The following NAV2 variants were observed in gnomAD, a reference collection of about 807,000 sequenced individuals.
NAV2 encodes the protein helicase, APC down-regulated 1.
Under a neutral mutation model 223.2 loss-of-function variants are expected in NAV2, and 54 were observed. The ratio of observed to expected loss-of-function variants is 0.24; its 90% CI spans 0.19 to 0.30. NAV2 has a LOEUF of 0.30. NAV2 is among the 10% of genes least tolerant of loss of function. NAV2 has a pLI of 1.00. For synonymous variants in NAV2, 1,279 were observed against 1,239.3 expected, an observed-to-expected ratio of 1.03 and a Z score of -0.67; for missense variants, 2,806 against 3,147.5, an observed-to-expected ratio of 0.89 and a Z score of 2.60.
Position 20,023,699 on chromosome 11 carries a change from G to GGGGGGTGT in NAV2, c.2769-12259_2769-12258insGGGGTGTG, listed in dbSNP as rs1554902313. ...GTTGTGTTTATACAGCAAATTGCTG[G>GGGGGGTGT]GTGTGTGTGTGTGTGTGTGTGTGTG... On this transcript the variant is annotated intron_variant, in intron 11 of 37. Transcript: ENST00000349880. Among the ~76,000 whole-genome samples the GGGGGGTGT allele has an allele frequency of 7.6e-3, 1,104 of 144,672 alleles. 10 individuals are homozygous for GGGGGGTGT. Among genetic ancestry groups the GGGGGGTGT allele is most frequent in the Non-Finnish European group, 0.011 (698 of 66,218 alleles). 94.9% of individuals were successfully genotyped at this position (144,672 alleles called of 152,430 possible).
intron 8 of NAV2, among the ~76,000 whole-genome samples, chr11:19,942,960 G>A (rs1222154999): frequency 1.3e-5 from 2 of 152,172 alleles, no homozygotes; most frequent in African/African-American, 4.8e-5. Flanking sequence ...TCCAGCCTGA[G>A]CAACAGAGCA....
At chr11:19,911,821 G>A (rs747468611) in intron 6 of NAV2, among the ~76,000 whole-genome samples, 1 of 152,196 alleles carries the variant, frequency 6.6e-6, no homozygotes, top group Non-Finnish European at 1.5e-5. Context: ...GACTTACAGC[G>A]AAAGGGAGAG....
At chr11:19,860,354 C>T (rs1343318938) in intron 3 of NAV2, among the ~76,000 whole-genome samples, 9 of 133,196 alleles carry the variant, frequency 6.8e-5, no homozygotes, top group African/African-American at 1.8e-4. Context: ...ACTTCTCAGA[C>T]GGGGCGGCCG....
At chr11:19,632,586 G>T (rs1029293546) in intron 1 of NAV2, among the ~76,000 whole-genome samples, 8 of 152,164 alleles carry the variant, frequency 5.3e-5, no homozygotes, top group African/African-American at 1.9e-4. Flanking sequence ...GGTTTTCATT[G>T]TGGTCAGTTC....
intron 1 of NAV2, among the ~76,000 whole-genome samples, chr11:19,764,019 T>G (rs1404106775): frequency 6.6e-6 from 1 of 152,172 alleles, no homozygotes; most frequent in Non-Finnish European, 1.5e-5. Context: ...ATCTGAAGTC[T>G]AAAAAACAAA....
At chr11:19,932,624 C>T (rs536793695) in intron 6 of NAV2, among the ~76,000 whole-genome samples, 52 of 152,288 alleles carry the variant, frequency 3.4e-4, no homozygotes, top group Non-Finnish European at 4.9e-4. Context: ...CAGCCATTTG[C>T]AACTTTTAAA....
intron 1 of NAV2, among the ~76,000 whole-genome samples, chr11:19,361,103 T>C (rs1291125036): frequency 6.6e-6 from 1 of 151,908 alleles, no homozygotes; most frequent in Non-Finnish European, 1.5e-5. Context: ...GCTTAGATAC[T>C]ATAAAATGAG....
intron 36 of NAV2, among the ~76,000 whole-genome samples, chr11:20,108,813 A>C (rs2062388160): frequency 1.3e-5 from 2 of 152,190 alleles, no homozygotes; most frequent in Admixed American, 1.3e-4. Flanking sequence ...CTTACCATTA[A>C]TTTGGAACTT....
intron 6 of NAV2, among the ~76,000 whole-genome samples, chr11:19,894,204 T>C (rs547774510): frequency 3.4e-4 from 52 of 152,282 alleles, no homozygotes; most frequent in African/African-American, 1.3e-3. Flanking sequence ...ATATCAGGGA[T>C]AGTGAGAGAT....
At chr11:19,806,806 A>G (rs1441216628) in intron 1 of NAV2, among the ~76,000 whole-genome samples, 2 of 152,224 alleles carry the variant, frequency 1.3e-5, no homozygotes, top group Non-Finnish European at 2.9e-5. Flanking sequence ...GATTTTCTAA[A>G]TATCAAGAAG....
At chr11:19,958,814 A>C (rs1447618733) in intron 10 of NAV2, among the ~76,000 whole-genome samples, 1 of 152,182 alleles carries the variant, frequency 6.6e-6, no homozygotes, top group Non-Finnish European at 1.5e-5. Flanking sequence ...AGGCATTGTC[A>C]TGTTATTATG....
chr11:19,803,518 C>T (rs1590634136), intron 1 of NAV2, among the ~76,000 whole-genome samples: 1 of 152,222 alleles, frequency 6.6e-6, no homozygotes, highest in Non-Finnish European at 1.5e-5. Context: ...AGTTACTTAC[C>T]TCTGTAGAGT....
At chr11:19,460,265 A>T (rs1432142838) in intron 1 of NAV2, among the ~76,000 whole-genome samples, 1 of 152,224 alleles carries the variant, frequency 6.6e-6, no homozygotes, top group Non-Finnish European at 1.5e-5. Context: ...CTTAGAAAGA[A>T]TGTGGGGTTG....
chr11:19,797,352 T>C (rs1459123934), intron 1 of NAV2, among the ~76,000 whole-genome samples: 3 of 152,186 alleles, frequency 2.0e-5, no homozygotes, highest in Admixed American at 1.3e-4. Flanking sequence ...TTGCCATCCA[T>C]TTCAGCTGCA....
chr11:19,987,662 A>G (rs137933040), intron 11 of NAV2, among the ~76,000 whole-genome samples: 30 of 152,330 alleles, frequency 2.0e-4, no homozygotes, highest in Non-Finnish European at 3.2e-4. Flanking sequence ...AGCCTGGGAG[A>G]TAGAGACTGT....
Position 20,092,201 on chromosome 11 carries a change from T to C in NAV2, c.5653-5T>C. 1 of 1,613,812 alleles carries C rather than the reference T, an allele frequency of 6.2e-7. No individual in the cohort carries two copies. The highest frequency in any genetic ancestry group is 2.2e-5 in the East Asian group (1 of 44,872). On this transcript the variant is annotated splice_region_variant and splice_polypyrimidine_tract_variant and intron_variant, in intron 27 of 37. Transcript: ENST00000349880. ...CTAAGGGAGCTTCTCCATTACTCTT[T>C]GCAGAGTGAAATAGAGAAGCTGAAA...
intron 22 of NAV2, among the ~76,000 whole-genome samples, chr11:20,070,710 A>G (rs2059346498): frequency 6.6e-6 from 1 of 151,936 alleles, no homozygotes; most frequent in Non-Finnish European, 1.5e-5. Flanking sequence ...TTTTTATACC[A>G]CTTGTGTTTG....
chr11:20,045,299 C>T lies in NAV2; in HGVS notation c.3531C>T (p.Asp1177=), dbSNP rs142006392. The change falls in exon 14 of 38, where the codon GAC becomes GAT. Residue 1177 remains aspartate (D), a synonymous_variant. Coordinates refer to ENST00000349880, the MANE Select transcript of NAV2 (RefSeq NM_145117.5). ...TGGATGGGGCTCAGAATCAGGATGA[C>T]GGGTATCTAGCCCTAAGCTCCCGGA... is the stretch of plus-strand genomic sequence containing the variant. ...SSMDGAQNQD[D]GYLALSSRTN... The T allele has an allele frequency of 6.5e-5, 105 of 1,614,136 alleles. No homozygotes were observed. Among genetic ancestry groups the T allele is most frequent in the African/African-American group, 8.0e-5 (6 of 75,030 alleles).
At chr11:19,717,431 A>G (rs1355629083) in intron 1 of NAV2, among the ~76,000 whole-genome samples, 1 of 152,246 alleles carries the variant, frequency 6.6e-6, no homozygotes, top group African/African-American at 2.4e-5. Context: ...GAGCCTCTGG[A>G]GGAGACAGAA....
Sources: gnomAD v4.1 joint callset for allele counts (sites outside exome capture counted in the v4.1 genomes callset) on GRCh38, gnomAD v4.1.1 for gene constraint, MANE v1.5 for transcripts, NCBI Gene and HGNC (gene_info 2026-07-23, HGNC 2026-07-21) for gene names.